The following ITGA9 variants were observed in gnomAD, a reference collection of about 807,000 sequenced individuals.
The protein encoded by ITGA9 is integrin subunit alpha 9, also known as integrin alpha-9.
Under a neutral mutation model 127.8 loss-of-function variants are expected in ITGA9, and 56 were observed. The observed-to-expected ratio is 0.44, with a 90% CI of 0.35 to 0.55. The LOEUF is 0.55. ITGA9 is among the 20% of genes least tolerant of loss of function. ITGA9 has a pLI of 0.00. For synonymous variants in ITGA9, 508 were observed against 514.5 expected (o/e 0.99, Z 0.17); for missense variants, 1,196 against 1,347.1 (o/e 0.89, Z 1.76).
rs139934071 is a variant in ITGA9, at chr3:37,804,680, G to T, written c.3009+738G>T. Among the ~76,000 whole-genome samples the T allele has an allele frequency of 5.1e-3, 776 of 152,268 alleles. 6 individuals are homozygous for T. Among genetic ancestry groups the T allele is most frequent in the African/African-American group, 0.017 (718 of 41,538 alleles). Reference sequence around the variant, plus strand: ...CAAAACAGCACCAGGGACCATAACTGCAACTTCCTGACACCAAAGTCCATA... The same window carrying T: ...CAAAACAGCACCAGGGACCATAACTTCAACTTCCTGACACCAAAGTCCATA... On this transcript the variant is annotated intron_variant, in intron 27 of 27. Transcript: ENST00000264741.
intron 16 of ITGA9, among the ~76,000 whole-genome samples, chr3:37,630,947 C>T (rs1700225079): frequency 6.6e-6 from 1 of 152,120 alleles, no homozygotes; most frequent in African/African-American, 2.4e-5. Context: ...AGAGGCAGGG[C>T]AGGAAGCTGA....
chr3:37,736,184 A>C (rs1346872018), intron 19 of ITGA9, among the ~76,000 whole-genome samples: 1 of 152,132 alleles, frequency 6.6e-6, no homozygotes, highest in African/African-American at 2.4e-5. Context: ...CCATCTCCAC[A>C]TACCATCACA....
intron 15 of ITGA9, among the ~76,000 whole-genome samples, chr3:37,577,914 T>C (rs1699669210): frequency 6.6e-6 from 1 of 152,236 alleles, no homozygotes; most frequent in South Asian, 2.1e-4. Flanking sequence ...TTCAGTATTA[T>C]CTCATGCTGT....
chr3:37,502,315 A>G (rs532934203), intron 5 of ITGA9, among the ~76,000 whole-genome samples: 16 of 151,044 alleles, frequency 1.1e-4, no homozygotes, highest in African/African-American at 3.7e-4. Context: ...CCCGGGTTCA[A>G]GCGATTTTCC....
At chr3:37,527,938 A>G (rs1282618648) in intron 13 of ITGA9, among the ~76,000 whole-genome samples, 3 of 152,082 alleles carry the variant, frequency 2.0e-5, no homozygotes, top group Non-Finnish European at 4.4e-5. Context: ...GGTGCACACC[A>G]CCACACCTGG....
At chr3:37,649,130 A>G (rs1030264494) in intron 16 of ITGA9, among the ~76,000 whole-genome samples, 3 of 150,624 alleles carry the variant, frequency 2.0e-5, no homozygotes, top group African/African-American at 7.4e-5. Flanking sequence ...AAAAAAAAAG[A>G]AACAAAACAA....
At chr3:37,739,473 T>A (rs1444052444) in intron 20 of ITGA9, among the ~76,000 whole-genome samples, 1 of 152,170 alleles carries the variant, frequency 6.6e-6, no homozygotes, top group East Asian at 1.9e-4. Flanking sequence ...TCCTTAAAGC[T>A]CCTTATCTTG....
intron 18 of ITGA9, among the ~76,000 whole-genome samples, chr3:37,713,632 T>C (rs1012408766): frequency 2.6e-5 from 4 of 152,190 alleles, no homozygotes; most frequent in Non-Finnish European, 5.9e-5. Context: ...CGTGAGATCA[T>C]GGAACAGGGC....
chr3:37,675,568 A>G (rs913738140), intron 17 of ITGA9, among the ~76,000 whole-genome samples: 1 of 152,094 alleles, frequency 6.6e-6, no homozygotes, highest in African/African-American at 2.4e-5. Flanking sequence ...AATGAGGCTC[A>G]TTTGCACAAC....
chr3:37,753,236 C>T (rs530726415), intron 23 of ITGA9, among the ~76,000 whole-genome samples: 1 of 152,330 alleles, frequency 6.6e-6, no homozygotes, highest in Admixed American at 6.5e-5. Context: ...TTCACAAACA[C>T]TGGCTCAGCA....
At chr3:37,719,121 G>C (rs7635609) in intron 18 of ITGA9, among the ~76,000 whole-genome samples, 71,112 of 152,032 alleles carry the variant, frequency 0.47, 16,909 homozygotes, top group South Asian at 0.57. Flanking sequence ...GGGGAGAGAG[G>C]TGTGTGCAAG....
chr3:37,728,512 G>A (rs1020816266), intron 18 of ITGA9, among the ~76,000 whole-genome samples: 2 of 152,184 alleles, frequency 1.3e-5, no homozygotes, highest in Non-Finnish European at 2.9e-5. Context: ...GCTTTTTAAG[G>A]TTATGCCCTG....
intron 23 of ITGA9, among the ~76,000 whole-genome samples, chr3:37,763,234 T>C (rs1696742738): frequency 6.6e-6 from 1 of 152,162 alleles, no homozygotes; most frequent in African/African-American, 2.4e-5. Context: ...AGCAAGAGGA[T>C]AGGGATTGGG....
At position 37,822,972 on chromosome 3, in the gene ITGA9, C is replaced by G. The variant is rs1474889145; in HGVS notation, c.*3983C>G. 6.6e-6 allele frequency: 1 copy of G among 152,050 alleles called. No homozygotes were observed. Among genetic ancestry groups the G allele is most frequent in the Non-Finnish European group, 1.5e-5 (1 of 68,026 alleles). 9.4% of individuals were successfully genotyped at this position (152,050 alleles called of 1,614,324 possible). ...GAAAGTGAGCATCATTTCAGAAATG[C>G]TTTAGTATGCACACTTTTAGCTGAT... On this transcript the variant is annotated 3_prime_UTR_variant, in exon 28 of 28. Transcript: ENST00000264741.
intron 17 of ITGA9, among the ~76,000 whole-genome samples, chr3:37,654,943 T>C (rs1196702698): frequency 6.6e-6 from 1 of 151,928 alleles, no homozygotes; most frequent in Non-Finnish European, 1.5e-5. Context: ...ACATGCAGCA[T>C]TTGGTTTTCT....
At chr3:37,521,218 A>G (rs1466510724) in intron 11 of ITGA9, among the ~76,000 whole-genome samples, 1 of 152,230 alleles carries the variant, frequency 6.6e-6, no homozygotes, top group African/African-American at 2.4e-5. Flanking sequence ...AAATTCTTTA[A>G]TGGCAGATTC....
At chr3:37,533,259 GT>G in intron 13 of ITGA9, 54 bp from the exon 14 acceptor site, 1 of 1,552,108 alleles carries the variant, frequency 6.4e-7, no homozygotes, top group Non-Finnish European at 8.9e-7. Flanking sequence ...TTCTTGTTTG[GT>G]TCTGAGAGCT....
At chr3:37,555,223 G>A (rs759107090) in intron 15 of ITGA9, among the ~76,000 whole-genome samples, 2 of 152,144 alleles carry the variant, frequency 1.3e-5, no homozygotes, top group African/African-American at 2.4e-5. Context: ...TGCTTATAAC[G>A]CATTGACCAT....
At chr3:37,472,122 C>G (rs972444044) in intron 2 of ITGA9, among the ~76,000 whole-genome samples, 5 of 152,146 alleles carry the variant, frequency 3.3e-5, no homozygotes, top group African/African-American at 1.2e-4. Flanking sequence ...TCTTTGGAAT[C>G]AGATGGTTCT....
Sources: gnomAD v4.1 joint callset for allele counts (sites outside exome capture counted in the v4.1 genomes callset) on GRCh38, gnomAD v4.1.1 for gene constraint, MANE v1.5 for transcripts, NCBI Gene and HGNC (gene_info 2026-07-23, HGNC 2026-07-21) for gene names.